Variants in DOCK5 observed in about 807,000 individuals in gnomAD.
DOCK5 encodes dedicator of cytokinesis protein 5.
Under a neutral mutation model 251.8 loss-of-function variants are expected in DOCK5, and 142 were observed. That is an observed-to-expected ratio of 0.56 (90% CI 0.49 to 0.65). The LOEUF (loss-of-function observed/expected upper bound fraction) is 0.65. Ranked by LOEUF, DOCK5 falls within the 30% of genes least tolerant of loss-of-function variation. DOCK5 has a pLI of 0.00. For synonymous variants in DOCK5, 842 were observed against 835.5 expected (o/e 1.01, Z -0.13); for missense variants, 2,111 against 2,312.3 (o/e 0.91, Z 1.79).
intron 1 of DOCK5, among the ~76,000 whole-genome samples, chr8:25,218,826 GT>G (rs1385797490): frequency 6.6e-6 from 1 of 152,178 alleles, no homozygotes; most frequent in South Asian, 2.1e-4. Flanking sequence ...GAGAGCTTAG[GT>G]GGCAGGACCT....
At chr8:25,270,532 C>A (rs919254804) in intron 3 of DOCK5, among the ~76,000 whole-genome samples, 1 of 152,036 alleles carries the variant, frequency 6.6e-6, no homozygotes, top group African/African-American at 2.4e-5. Context: ...AATTCCCAAT[C>A]CTTTTTTAAG....
At chr8:25,316,389 G>C (rs983230128) in intron 13 of DOCK5, among the ~76,000 whole-genome samples, 1 of 152,142 alleles carries the variant, frequency 6.6e-6, no homozygotes, top group Non-Finnish European at 1.5e-5. Context: ...GCTGAGGTGA[G>C]AGAATCACTT....
chr8:25,350,067 G>A (rs896638301), intron 26 of DOCK5, among the ~76,000 whole-genome samples: 1 of 152,146 alleles, frequency 6.6e-6, no homozygotes, highest in Non-Finnish European at 1.5e-5. Context: ...AGAAAGTGTC[G>A]GTTATAGGAT....
At chr8:25,397,326 G>A (rs1801363282) in intron 45 of DOCK5, among the ~76,000 whole-genome samples, 1 of 152,202 alleles carries the variant, frequency 6.6e-6, no homozygotes, top group African/African-American at 2.4e-5. Flanking sequence ...GACAGTGCTT[G>A]ACATAGAGTC....
At position 25,414,239 on chromosome 8, in the gene DOCK5, G is replaced by C. The variant is rs1195832189; in HGVS notation, c.*2941G>C. 1 of 152,140 alleles carries C rather than the reference G, an allele frequency of 6.6e-6. No individual in the cohort carries two copies. Among genetic ancestry groups the C allele is most frequent in the African/African-American group, 2.4e-5 (1 of 41,434 alleles). 9.4% of individuals were successfully genotyped at this position (152,140 alleles called of 1,614,324 possible). On this transcript the variant is annotated 3_prime_UTR_variant, in exon 52 of 52. Coordinates refer to ENST00000276440, the MANE Select transcript of DOCK5 (RefSeq NM_024940.8). The stretch of plus-strand genomic sequence containing the variant: ...AGTCATGGTACTAGCCCCTTGGGAT[G>C]TAGTGGTTGAGTGTGTTCAATGGAA...
At chr8:25,407,633 A>G (rs1248975766) in intron 48 of DOCK5, among the ~76,000 whole-genome samples, 1 of 151,882 alleles carries the variant, frequency 6.6e-6, no homozygotes, top group East Asian at 1.9e-4. Flanking sequence ...GCACTTTGGG[A>G]GGGCTGAGGT....
At chr8:25,402,649 G>T (rs1458509799) in intron 47 of DOCK5, among the ~76,000 whole-genome samples, 4 of 151,816 alleles carry the variant, frequency 2.6e-5, no homozygotes, top group African/African-American at 4.8e-5. Flanking sequence ...TCCCTATGTT[G>T]CCCAGGCTGG....
At chr8:25,186,951 A>G (rs1013017943) in intron 1 of DOCK5, among the ~76,000 whole-genome samples, 3 of 151,990 alleles carry the variant, frequency 2.0e-5, no homozygotes, top group African/African-American at 7.3e-5. Context: ...TGTAATCCCA[A>G]CAATTTGGGT....
intron 26 of DOCK5, among the ~76,000 whole-genome samples, chr8:25,351,233 A>G (rs1258951886): frequency 6.6e-6 from 1 of 151,632 alleles, no homozygotes; most frequent in Non-Finnish European, 1.5e-5. Flanking sequence ...AATGTTTTGT[A>G]TTTTTTAGTA....
intron 50 of DOCK5, chr8:25,409,851 A>G (rs1801588419): frequency 1.2e-5 from 4 of 341,510 alleles, no homozygotes; most frequent in Middle Eastern, 8.4e-4. Context: ...ATCTCAAAAA[A>G]ACAAAAATAA....
chr8:25,231,004 T>C (rs1225312792), intron 1 of DOCK5, among the ~76,000 whole-genome samples: 1 of 152,232 alleles, frequency 6.6e-6, no homozygotes, highest in African/African-American at 2.4e-5. Flanking sequence ...CCTAATTGTC[T>C]GACACCTTGG....
chr8:25,382,178 T>G (rs1330619128), intron 39 of DOCK5, among the ~76,000 whole-genome samples: 2 of 152,126 alleles, frequency 1.3e-5, no homozygotes, highest in Non-Finnish European at 2.9e-5. Flanking sequence ...AGTCTCACTA[T>G]GTTGCCCAGG....
At chr8:25,338,990 A>G (rs534875295) in intron 22 of DOCK5, among the ~76,000 whole-genome samples, 3 of 152,272 alleles carry the variant, frequency 2.0e-5, no homozygotes, top group African/African-American at 4.8e-5. Flanking sequence ...TGACTAGGAG[A>G]GTTGCTTCAT....
chr8:25,321,116 A>G, intron 16 of DOCK5, 64 bp downstream of exon 16: 1 of 1,382,372 alleles, frequency 7.2e-7, no homozygotes, highest in Non-Finnish European at 1.0e-6. Context: ...CTTGACAGCC[A>G]TCTTGTGAAG....
chr8:25,377,921 T>C (rs1457436029), intron 38 of DOCK5, among the ~76,000 whole-genome samples: 2 of 151,430 alleles, frequency 1.3e-5, no homozygotes, highest in African/African-American at 2.4e-5. Flanking sequence ...TTTTTTTTTT[T>C]TTTGGTAAAT....
chr8:25,206,725 CAT>C (rs1380992317), intron 1 of DOCK5, among the ~76,000 whole-genome samples: 2 of 152,196 alleles, frequency 1.3e-5, no homozygotes, highest in African/African-American at 4.8e-5. Context: ...TGGACAATGA[CAT>C]ATGGTTTGAC....
intron 38 of DOCK5, among the ~76,000 whole-genome samples, chr8:25,379,405 G>T (rs902233828): frequency 1.3e-5 from 2 of 151,968 alleles, no homozygotes; most frequent in East Asian, 3.9e-4. Context: ...CTACTTGTAC[G>T]TCCATTTATA....
intron 39 of DOCK5, among the ~76,000 whole-genome samples, chr8:25,382,378 A>G (rs1034772698): frequency 1.3e-5 from 2 of 152,174 alleles, no homozygotes; most frequent in Admixed American, 1.3e-4. Context: ...CCCTGAGCCC[A>G]CTTTGAGAAA....
Position 25,185,385 on chromosome 8 carries a change from C to A in DOCK5, c.43+434C>A, listed in dbSNP as rs114312106. ...CATTGTCCCAGTGCTTTCTGCCCCC[C>A]GCTTTCGTAGGTTCTTCTCAGACGC... is the stretch of plus-strand genomic sequence containing the variant. On this transcript the variant is annotated intron_variant, in intron 1 of 51. Coordinates refer to ENST00000276440, the MANE Select transcript of DOCK5 (RefSeq NM_024940.8). Among the ~76,000 whole-genome samples the A allele has an allele frequency of 5.3e-3, 802 of 152,262 alleles. 10 individuals are homozygous for A. Among genetic ancestry groups the A allele is most frequent in the African/African-American group, 0.019 (769 of 41,534 alleles).
Sources: allele counts gnomAD v4.1 joint callset (sites outside exome capture counted in the v4.1 genomes callset), GRCh38; gene constraint gnomAD v4.1.1; transcripts MANE v1.5; gene names NCBI Gene and HGNC (gene_info 2026-07-23, HGNC 2026-07-21).